Variants in CDH2 observed in about 807,000 individuals in gnomAD.
The protein encoded by CDH2 is cadherin-2.
CDH2 carries 17 observed loss-of-function variants against 92.0 expected under a neutral mutation model. The observed-to-expected ratio is 0.18, with a 90% confidence interval of 0.13 to 0.28. The LOEUF (loss-of-function observed/expected upper bound fraction) is 0.28, where lower values mean the gene tolerates loss of function less well. Among genes scored for constraint, CDH2 ranks in the 10% least tolerant of loss-of-function variants. CDH2 has a pLI of 1.00. For synonymous variants in CDH2, 419 were observed against 415.9 expected (o/e 1.01, Z -0.09); for missense variants, 862 against 1,133.1 (o/e 0.76, Z 3.44).
intron 2 of CDH2, among the ~76,000 whole-genome samples, chr18:28,016,567 CAT>C (rs749387000): frequency 1.2e-4 from 18 of 152,256 alleles, no homozygotes; most frequent in Non-Finnish European, 7.4e-5. Flanking sequence ...GATTATGTCA[CAT>C]GTTAACCTTA....
At chr18:28,025,696 T>C (rs2013534862) in intron 2 of CDH2, among the ~76,000 whole-genome samples, 2 of 151,672 alleles carry the variant, frequency 1.3e-5, no homozygotes, top group South Asian at 2.1e-4. Flanking sequence ...AGTGATCAAA[T>C]CAGGGTAATT....
At chr18:28,035,186 T>G (rs2013796384) in intron 2 of CDH2, among the ~76,000 whole-genome samples, 1 of 152,076 alleles carries the variant, frequency 6.6e-6, no homozygotes, top group Admixed American at 6.6e-5. Context: ...TGAAAGTTTC[T>G]AATAAAATAA....
At chr18:27,970,785 G>T (rs2034108) in intron 14 of CDH2, among the ~76,000 whole-genome samples, 95,223 of 152,050 alleles carry the variant, frequency 0.63, 30,059 homozygotes, top group Non-Finnish European at 0.68. Context: ...GTTTGGATTT[G>T]GGGGCCAGAT....
At chr18:28,137,243 T>A (rs2015877939) in intron 2 of CDH2, among the ~76,000 whole-genome samples, 1 of 152,174 alleles carries the variant, frequency 6.6e-6, no homozygotes, top group African/African-American at 2.4e-5. Flanking sequence ...AGACTGGCCC[T>A]GGTGTAAAGA....
At chr18:28,137,664 G>A (rs2015886215) in intron 2 of CDH2, among the ~76,000 whole-genome samples, 3 of 152,088 alleles carry the variant, frequency 2.0e-5, no homozygotes, top group African/African-American at 2.4e-5. Context: ...TGTTGTATAA[G>A]TTTAGGAGAC....
At chr18:28,167,763 A>C (rs1310671598) in intron 1 of CDH2, among the ~76,000 whole-genome samples, 1 of 152,162 alleles carries the variant, frequency 6.6e-6, no homozygotes, top group Non-Finnish European at 1.5e-5. Context: ...GTAAATGTAT[A>C]TGTGTGTATT....
chr18:28,129,887 A>G (rs1383368438), intron 2 of CDH2, among the ~76,000 whole-genome samples: 5 of 152,166 alleles, frequency 3.3e-5, no homozygotes, highest in African/African-American at 1.2e-4. Context: ...GATCTTTCTT[A>G]TTATTCATTT....
chr18:28,174,261 A>G (rs1342719485), intron 1 of CDH2, among the ~76,000 whole-genome samples: 1 of 152,216 alleles, frequency 6.6e-6, no homozygotes, highest in Non-Finnish European at 1.5e-5. Flanking sequence ...AAAAGAAAAA[A>G]AAAACCTAGA....
intron 2 of CDH2, among the ~76,000 whole-genome samples, chr18:28,090,901 G>GA (rs2015024585): frequency 6.6e-6 from 1 of 152,092 alleles, no homozygotes; most frequent in South Asian, 2.1e-4. Flanking sequence ...GTAGAACATT[G>GA]AGATAATAGA....
At chr18:28,000,993 C>T (rs1567958016) in intron 7 of CDH2, among the ~76,000 whole-genome samples, 2 of 152,082 alleles carry the variant, frequency 1.3e-5, no homozygotes, top group Non-Finnish European at 2.9e-5. Context: ...GAGATAGATG[C>T]ATTTTTTCTA....
chr18:28,052,345 CTT>C (rs1379908650), intron 2 of CDH2, among the ~76,000 whole-genome samples: 1 of 152,058 alleles, frequency 6.6e-6, no homozygotes, highest in East Asian at 1.9e-4. Context: ...GGAATTATTA[CTT>C]GAATTTTAGT....
intron 2 of CDH2, among the ~76,000 whole-genome samples, chr18:28,086,798 A>G (rs1404540695): frequency 6.6e-6 from 1 of 152,156 alleles, no homozygotes; most frequent in African/African-American, 2.4e-5. Flanking sequence ...GTATCAGACA[A>G]AAGATGGTAA....
intron 2 of CDH2, among the ~76,000 whole-genome samples, chr18:28,103,392 CATAT>C (rs953743135): frequency 2.8e-5 from 4 of 142,388 alleles, no homozygotes; most frequent in Non-Finnish European, 3.0e-5. Flanking sequence ...ATATAAAGTA[CATAT>C]ATATAAAGTA....
downstream of CDH2, among the ~76,000 whole-genome samples, chr18:27,948,936 G>A (rs1909343247): frequency 6.6e-6 from 1 of 151,852 alleles, no homozygotes; most frequent in African/African-American, 2.4e-5. Flanking sequence ...CTAACACTCT[G>A]TATGCATGTT....
chr18:28,074,663 ATAATT>A (rs1208315818), intron 2 of CDH2, among the ~76,000 whole-genome samples: 4 of 150,364 alleles, frequency 2.7e-5, no homozygotes, highest in African/African-American at 7.3e-5. Flanking sequence ...TTATCATAAT[ATAATT>A]TAACTCCTAA....
At chr18:28,074,545 C>A (rs1550662) in intron 2 of CDH2, among the ~76,000 whole-genome samples, 3 of 151,784 alleles carry the variant, frequency 2.0e-5, no homozygotes, top group Non-Finnish European at 2.9e-5. Context: ...CACGCCCGGA[C>A]GGGTCTTTAG....
intron 2 of CDH2, among the ~76,000 whole-genome samples, chr18:28,079,972 A>G (rs886682776): frequency 6.6e-6 from 1 of 152,196 alleles, no homozygotes; most frequent in Admixed American, 6.5e-5. Context: ...AACATTTAAC[A>G]CATGAATTGA....
intron 2 of CDH2, among the ~76,000 whole-genome samples, chr18:28,117,533 C>T (rs2015515552): frequency 6.6e-6 from 1 of 152,106 alleles, no homozygotes; most frequent in Non-Finnish European, 1.5e-5. Flanking sequence ...CCTAGGATCA[C>T]TAGGTCACAA....
At chr18:28,146,094 T>C (rs1044531803) in intron 2 of CDH2, 1 of 152,134 alleles carries the variant, frequency 6.6e-6, no homozygotes, top group African/African-American at 2.4e-5. Flanking sequence ...TTCAAAACTA[T>C]TCAACGCGCC....
Sources: allele counts gnomAD v4.1 joint callset (sites outside exome capture counted in the v4.1 genomes callset), GRCh38; gene constraint gnomAD v4.1.1; transcripts MANE v1.5; gene names NCBI Gene and HGNC (gene_info 2026-07-23, HGNC 2026-07-21).